CPXM2: variants seen among roughly 807,000 people sequenced by gnomAD.
CPXM2 encodes the protein carboxypeptidase X, M14 family member 2.
A neutral mutation model predicts 86.1 loss-of-function variants in CPXM2; 66 were observed. The ratio of observed to expected loss-of-function variants is 0.77; its 90% CI spans 0.63 to 0.94. The LOEUF (loss-of-function observed/expected upper bound fraction) is 0.94. Among genes scored for constraint, CPXM2 ranks in the 40% least tolerant of loss-of-function variants. The pLI, the probability that CPXM2 is intolerant of heterozygous loss-of-function variation, is 0.00. For synonymous variants in CPXM2, 388 were observed against 400.2 expected (o/e 0.97, Z 0.36); for missense variants, 948 against 1,026.3 (o/e 0.92, Z 1.04).
intron 2 of CPXM2, among the ~76,000 whole-genome samples, chr10:123,874,299 T>C (rs897969871): frequency 6.6e-6 from 1 of 152,114 alleles, no homozygotes; most frequent in African/African-American, 2.4e-5. Flanking sequence ...AAGGGAGCTC[T>C]TGGGGGTCTC....
At chr10:123,801,673 A>G (rs80263407) in intron 4 of CPXM2, among the ~76,000 whole-genome samples, 5,117 of 152,172 alleles carry the variant, frequency 0.034, 269 homozygotes, top group African/African-American at 0.11. Flanking sequence ...AAGTATTCTT[A>G]TATTAAATAT....
intron 4 of CPXM2, among the ~76,000 whole-genome samples, chr10:123,813,080 C>A (rs550885339): frequency 6.6e-6 from 1 of 152,182 alleles, no homozygotes; most frequent in Admixed American, 6.6e-5. Flanking sequence ...GAAAACGCCA[C>A]AACTACCTTT....
intron 6 of CPXM2, among the ~76,000 whole-genome samples, chr10:123,792,635 A>G (rs10902813): frequency 0.69 from 104,781 of 152,126 alleles, 36,930 homozygotes; most frequent in African/African-American, 0.86. Flanking sequence ...GCAGGGCAGC[A>G]GGCTAGACTG....
At chr10:123,826,633 T>A (rs1848052497) in intron 4 of CPXM2, among the ~76,000 whole-genome samples, 1 of 152,074 alleles carries the variant, frequency 6.6e-6, no homozygotes, top group South Asian at 2.1e-4. Context: ...CATAATTTTA[T>A]GACTATAAAA....
rs543967170 is a variant in CPXM2 at position 123,751,529 on chromosome 10, T to G, written c.2017+3134A>C. 8.8e-5 allele frequency: 87 copies of G among 985,316 alleles called. No homozygotes were observed. In the African/African-American group the frequency reaches 1.2e-3, roughly 14 times the overall value. The allele number at this position is 985,316 out of a possible 1,614,324, so 61.0% of individuals were successfully genotyped here. The stretch of plus-strand genomic sequence containing the variant: ...GAAGGGGCAACTCAGGCCCAAAGAA[T>G]GTCCACACAGGAGCAGGTCAGTTCA... On this transcript the variant is annotated intron_variant, in intron 13 of 13. Transcript: ENST00000241305.
intron 1 of CPXM2, among the ~76,000 whole-genome samples, chr10:123,886,692 A>G (rs1945182677): frequency 6.6e-6 from 1 of 152,228 alleles, no homozygotes. Flanking sequence ...TAAAGACTAC[A>G]TATCCAAGCC....
At chr10:123,759,648 T>C (rs1589967339) in intron 11 of CPXM2, among the ~76,000 whole-genome samples, 1 of 152,192 alleles carries the variant, frequency 6.6e-6, no homozygotes, top group East Asian at 1.9e-4. Flanking sequence ...CTAGCTGGGG[T>C]GGTGAGACAT....
intron 2 of CPXM2, among the ~76,000 whole-genome samples, chr10:123,909,327 A>G (rs958172271): frequency 3.3e-5 from 5 of 152,144 alleles, no homozygotes; most frequent in African/African-American, 4.8e-5. Context: ...CCTGAATCCT[A>G]TGTTTCTATA....
chr10:123,849,405 T>C (rs61095441), intron 3 of CPXM2, among the ~76,000 whole-genome samples: 4,348 of 150,952 alleles, frequency 0.029, 229 homozygotes, highest in African/African-American at 0.1. Flanking sequence ...CTTTATCACC[T>C]AATTTCATTT....
chr10:123,896,744 C>G (rs1244461932), upstream of CPXM2, among the ~76,000 whole-genome samples: 2 of 152,216 alleles, frequency 1.3e-5, no homozygotes, highest in Non-Finnish European at 2.9e-5. Flanking sequence ...TGAACAGGCA[C>G]CCAGGGAGAC....
At chr10:123,901,930 A>G (rs927086705) in intron 2 of CPXM2, among the ~76,000 whole-genome samples, 5 of 152,146 alleles carry the variant, frequency 3.3e-5, no homozygotes, top group Non-Finnish European at 5.9e-5. Context: ...TGAATTTTTC[A>G]TTTGCCTGAA....
At chr10:123,928,120 C>T (rs1052023196) in intron 2 of CPXM2, among the ~76,000 whole-genome samples, 8 of 152,190 alleles carry the variant, frequency 5.3e-5, no homozygotes, top group East Asian at 1.9e-4. Flanking sequence ...CTGCCTTCTG[C>T]GAGACCTTCA....
intron 6 of CPXM2, among the ~76,000 whole-genome samples, chr10:123,795,611 C>G (rs1290981056): frequency 6.6e-6 from 1 of 152,102 alleles, no homozygotes; most frequent in Admixed American, 6.5e-5. Context: ...TTTTGGGCCC[C>G]TGAGCTGCCC....
At chr10:123,766,597 G>A (rs1846478057) in intron 10 of CPXM2, among the ~76,000 whole-genome samples, 1 of 152,094 alleles carries the variant, frequency 6.6e-6, no homozygotes, top group Non-Finnish European at 1.5e-5. Flanking sequence ...AAACCCAAGG[G>A]GATGTACTAA....
chr10:123,782,762 C>A (rs938987580), intron 6 of CPXM2, among the ~76,000 whole-genome samples: 35 of 152,248 alleles, frequency 2.3e-4, no homozygotes, highest in Non-Finnish European at 4.3e-4. Flanking sequence ...AGAGTGACTC[C>A]ATCTTGAATA....
upstream of CPXM2, among the ~76,000 whole-genome samples, chr10:123,895,974 T>C (rs537871434): frequency 6.6e-6 from 1 of 152,380 alleles, no homozygotes; most frequent in African/African-American, 2.4e-5. Flanking sequence ...CAGTTTCTGT[T>C]ATACAACATA....
At chr10:123,905,795 A>C (rs1279549671) in intron 2 of CPXM2, among the ~76,000 whole-genome samples, 1 of 149,004 alleles carries the variant, frequency 6.7e-6, no homozygotes, top group Non-Finnish European at 1.5e-5. Context: ...CTCCCACCCC[A>C]CCCTCACCCA....
At chr10:123,855,771 G>T (rs17096168) in intron 3 of CPXM2, among the ~76,000 whole-genome samples, 1 of 152,044 alleles carries the variant, frequency 6.6e-6, no homozygotes, top group African/African-American at 2.4e-5. Flanking sequence ...GAGAACACTG[G>T]AACTAGATTC....
At chr10:123,830,872 C>CTCTCTGTGTGTGTGTGTGTG (rs1258897184) in intron 4 of CPXM2, among the ~76,000 whole-genome samples, 17 of 142,804 alleles carry the variant, frequency 1.2e-4, no homozygotes, top group African/African-American at 4.5e-4. Context: ...CTCTCTCTCT[C>CTCTCTGTGTGTGTGTGTGTG]TGTGTGTGTG....
Sources: allele counts gnomAD v4.1 joint callset (sites outside exome capture counted in the v4.1 genomes callset), GRCh38; gene constraint gnomAD v4.1.1; transcripts MANE v1.5; gene names NCBI Gene and HGNC (gene_info 2026-07-23, HGNC 2026-07-21).